Variants in JAZF1 observed in about 807,000 individuals in gnomAD.
JAZF1 encodes the protein juxtaposed with another zinc finger protein 1.
Under a neutral mutation model 26.4 loss-of-function variants are expected in JAZF1, and 8 were observed. That is an observed-to-expected ratio of 0.30 (90% CI 0.18 to 0.55). JAZF1 has a LOEUF of 0.55. Ranked by LOEUF, JAZF1 falls within the 20% of genes least tolerant of loss-of-function variation. The pLI, the probability that JAZF1 is intolerant of heterozygous loss-of-function variation, is 0.94. For missense variants in JAZF1, 199 were observed against 322.0 expected (o/e 0.62, Z 2.92); for synonymous variants, 126 against 122.3 (o/e 1.03, Z -0.20).
chr7:27,941,431 T>C (rs1245530368), intron 2 of JAZF1, among the ~76,000 whole-genome samples: 7 of 152,354 alleles, frequency 4.6e-5, no homozygotes, highest in Admixed American at 3.3e-4. Context: ...TGAGTATTTA[T>C]TGTGTGACCC....
chr7:28,079,707 T>C (rs1018856623), intron 1 of JAZF1, among the ~76,000 whole-genome samples: 1 of 152,234 alleles, frequency 6.6e-6, no homozygotes, highest in Non-Finnish European at 1.5e-5. Context: ...ATTAGAAACA[T>C]TTAATTGTAC....
intron 1 of JAZF1, among the ~76,000 whole-genome samples, chr7:28,147,787 G>A (rs549419429): frequency 2.3e-4 from 35 of 151,898 alleles, no homozygotes; most frequent in Non-Finnish European, 4.7e-4. Context: ...GAGTGGGCTG[G>A]GGGGAGGGGG....
intron 2 of JAZF1, among the ~76,000 whole-genome samples, chr7:27,903,675 G>A (rs781125969): frequency 6.6e-6 from 1 of 152,176 alleles, no homozygotes; most frequent in African/African-American, 2.4e-5. Context: ...TTCTAGAGTA[G>A]AACAAAATTA....
chr7:28,079,967 T>C (rs1158501015), intron 1 of JAZF1, among the ~76,000 whole-genome samples: 1 of 152,156 alleles, frequency 6.6e-6, no homozygotes, highest in African/African-American at 2.4e-5. Flanking sequence ...CCAGTGCACA[T>C]AAAGTTATAT....
intron 3 of JAZF1, among the ~76,000 whole-genome samples, chr7:27,846,015 T>C (rs979949292): frequency 6.6e-6 from 1 of 152,110 alleles, no homozygotes; most frequent in Non-Finnish European, 1.5e-5. Context: ...CATACGTTCC[T>C]GCTTGGGGGT....
At chr7:28,049,499 G>A (rs1783557113) in intron 1 of JAZF1, among the ~76,000 whole-genome samples, 1 of 152,244 alleles carries the variant, frequency 6.6e-6, no homozygotes, top group South Asian at 2.1e-4. Context: ...ACCAACTGGT[G>A]TCCTACAATA....
At chr7:28,000,076 C>G (rs1342303290) in intron 1 of JAZF1, among the ~76,000 whole-genome samples, 2 of 152,110 alleles carry the variant, frequency 1.3e-5, no homozygotes, top group Middle Eastern at 3.2e-3. Flanking sequence ...AACCTAAGAA[C>G]AGCATAGGGG....
At chr7:27,898,304 T>TATATATACACAC (rs375859244) in intron 2 of JAZF1, among the ~76,000 whole-genome samples, 45 of 128,928 alleles carry the variant, frequency 3.5e-4, no homozygotes, top group East Asian at 4.7e-4. Context: ...TATATATATA[T>TATATATACACAC]ACATCGGTTT....
At chr7:27,833,270 CTG>C (rs1782743818) in intron 4 of JAZF1, 1 of 185,112 alleles carries the variant, frequency 5.4e-6, no homozygotes, top group South Asian at 1.9e-4. Flanking sequence ...GACTTACAGA[CTG>C]TATAAAGAAA....
At chr7:27,888,689 T>C (rs537966137) in intron 3 of JAZF1, among the ~76,000 whole-genome samples, 13 of 152,322 alleles carry the variant, frequency 8.5e-5, no homozygotes, top group Middle Eastern at 3.4e-3. Context: ...GAAATGTTTC[T>C]TAAAAGGCCA....
intron 2 of JAZF1, among the ~76,000 whole-genome samples, chr7:27,985,903 GC>G (rs1209094016): frequency 4.6e-5 from 7 of 152,198 alleles, no homozygotes; most frequent in Non-Finnish European, 8.8e-5. Flanking sequence ...AAATTCAACA[GC>G]CCTTTATGCT....
chr7:27,923,808 C>A (rs1032903877), intron 2 of JAZF1, among the ~76,000 whole-genome samples: 2 of 152,138 alleles, frequency 1.3e-5, no homozygotes, highest in African/African-American at 4.8e-5. Flanking sequence ...AACCTTAAAC[C>A]TGAGAAAGGT....
rs968992732 is a variant in JAZF1, at chr7:28,018,974, T to C, written c.116-26993A>G. Among the ~76,000 whole-genome samples, 14 of 152,302 alleles carry C rather than the reference T, an allele frequency of 9.2e-5. No individual in the cohort carries two copies. In the East Asian group the frequency reaches 1.9e-3, roughly 21 times the overall value. On this transcript the variant is annotated intron_variant, in intron 1 of 4. Coordinates refer to ENST00000283928, the MANE Select transcript of JAZF1 (RefSeq NM_175061.4). ...TGTGCAGAGATCCTGAGAGTCCTGT[T>C]CTTGAAGAAGCCTGCCAAAGTCACC...
intron 2 of JAZF1, among the ~76,000 whole-genome samples, chr7:27,958,175 A>G (rs1785130504): frequency 6.6e-6 from 1 of 152,230 alleles, no homozygotes; most frequent in Admixed American, 6.5e-5. Flanking sequence ...AGAAACATTG[A>G]ATGGATCTTA....
At chr7:27,983,474 T>C (rs1237403164) in intron 2 of JAZF1, among the ~76,000 whole-genome samples, 4 of 152,222 alleles carry the variant, frequency 2.6e-5, no homozygotes, top group African/African-American at 7.2e-5. Context: ...CTACGTCTGA[T>C]TGGTGTACCT....
rs541742212 is a variant in JAZF1, at chr7:27,887,611, T to G, written c.385+7609A>C. Among the ~76,000 whole-genome samples the G allele has an allele frequency of 1.1e-4, 17 of 152,192 alleles. No homozygotes were observed. The East Asian group carries it at 3.3e-3, about 29-fold the overall frequency. On this transcript the variant is annotated intron_variant, in intron 3 of 4. Coordinates refer to ENST00000283928, the MANE Select transcript of JAZF1 (RefSeq NM_175061.4). ...TTGTATTTTTAGTAGAGATGGGGTT[T>G]TGCCATGTTTGCCAGGCTGGTCTCG...
chr7:28,170,922 C>T (rs549235029), intron 1 of JAZF1, among the ~76,000 whole-genome samples: 1 of 152,184 alleles, frequency 6.6e-6, no homozygotes, highest in Non-Finnish European at 1.5e-5. Context: ...CTTCCTCCTG[C>T]GTCGCATGGG....
At chr7:28,076,967 A>G (rs1165377074) in intron 1 of JAZF1, among the ~76,000 whole-genome samples, 1 of 152,204 alleles carries the variant, frequency 6.6e-6, no homozygotes, top group African/African-American at 2.4e-5. Flanking sequence ...CTTAGTGTGT[A>G]GACGACAACC....
chr7:27,906,818 T>C (rs1295126494), intron 2 of JAZF1, among the ~76,000 whole-genome samples: 1 of 152,216 alleles, frequency 6.6e-6, no homozygotes, highest in African/African-American at 2.4e-5. Flanking sequence ...TGGCTATTTC[T>C]TACACATGGT....
Sources: gnomAD v4.1 joint callset for allele counts (sites outside exome capture counted in the v4.1 genomes callset) on GRCh38, gnomAD v4.1.1 for gene constraint, MANE v1.5 for transcripts, NCBI Gene and HGNC (gene_info 2026-07-23, HGNC 2026-07-21) for gene names.